Variants in WWOX observed in about 807,000 individuals in gnomAD.
WWOX encodes WW domain containing oxidoreductase.
Under a neutral mutation model 46.2 loss-of-function variants are expected in WWOX, and 69 were observed. That is an observed-to-expected ratio of 1.49 (90% confidence interval 1.23 to 1.82). The LOEUF (loss-of-function observed/expected upper bound fraction) is 1.82. Among genes scored for constraint, WWOX ranks in the 40% most tolerant of loss-of-function variants. The pLI is 0.00. For synonymous variants in WWOX, 359 were observed against 202.6 expected, an observed-to-expected ratio of 1.77 and a Z score of -6.56; for missense variants, 919 against 542.6, an observed-to-expected ratio of 1.69 and a Z score of -6.89.
rs576434009 is a variant in WWOX at position 78,769,902 on chromosome 16, G to C, written c.1056+337150G>C. Among the ~76,000 whole-genome samples, 68 of 152,008 alleles carry C rather than the reference G, an allele frequency of 4.5e-4. 1 individual carries two copies. The highest frequency in any genetic ancestry group is 3.4e-3 in the South Asian group (16 of 4,772). ...AAAAATAAATAAAAAGTAGTTGGGC[G>C]TGTGTGGTGGAGCATGTGGGGGTCC... On this transcript the variant is annotated intron_variant, in intron 8 of 8. Transcript: ENST00000566780.
intron 8 of WWOX, among the ~76,000 whole-genome samples, chr16:79,027,288 A>T (rs1169516043): frequency 6.6e-6 from 1 of 151,018 alleles, no homozygotes; most frequent in Non-Finnish European, 1.5e-5. Flanking sequence ...TCAAAAAAAA[A>T]AAAAAAGGTA....
rs528048148 is a variant in WWOX at position 78,346,898 on chromosome 16, AT to A, written c.517-39955del. Among the ~76,000 whole-genome samples, 2 of 116,188 alleles carry A rather than the reference AT, an allele frequency of 1.7e-5. 1 individual carries two copies. The highest frequency in any genetic ancestry group is 4.1e-5 in the Non-Finnish European group (2 of 48,982). The allele number at this position is 116,188 out of a possible 152,430, so 76.2% of individuals were successfully genotyped here. A position where few individuals can be genotyped will look rare whatever the true frequency, so the allele number is the denominator to read the frequency against. On this transcript the variant is annotated intron_variant, in intron 5 of 8. Coordinates refer to ENST00000566780, the MANE Select transcript of WWOX (RefSeq NM_016373.4). ...TTTTGTGTTGTTTTATTTTTATTTTATTTTTTTAGCAGAGACAGGGTTTCAC... is the reference window on the plus strand; with the variant it reads ...TTTTGTGTTGTTTTATTTTTATTTTATTTTTTAGCAGAGACAGGGTTTCAC...
At chr16:79,208,631 ATTTT>A (rs57795116) in intron 8 of WWOX, among the ~76,000 whole-genome samples, 6 of 151,074 alleles carry the variant, frequency 4.0e-5, no homozygotes, top group Non-Finnish European at 8.9e-5. Context: ...TGCTCTTTAA[ATTTT>A]TTTTTTAATC....
intron 8 of WWOX, among the ~76,000 whole-genome samples, chr16:79,143,239 G>C (rs1201074693): frequency 1.3e-5 from 2 of 152,126 alleles, no homozygotes; most frequent in East Asian, 3.9e-4. Context: ...CCCCCTCCTG[G>C]ATGAAGTCTT....
chr16:78,819,124 C>G (rs1235651976), intron 8 of WWOX, among the ~76,000 whole-genome samples: 2 of 152,238 alleles, frequency 1.3e-5, no homozygotes, highest in South Asian at 2.1e-4. Context: ...CTTCTGCACT[C>G]TTTCTCAGTC....
rs577414279 is a variant in WWOX at position 78,386,936 on chromosome 16, A to C, written c.593A>C (p.Lys198Thr). 6.2e-7 allele frequency: 1 copy of C among 1,614,104 alleles called. No individual in the cohort carries two copies. Among genetic ancestry groups the C allele is most frequent in the East Asian group, 2.2e-5 (1 of 44,878 alleles). The stretch of plus-strand genomic sequence containing the variant: ...GTGCAGCATTTTGCTGAAGCATTCA[A>C]GGCCAAGAATGTGTGAGTGTTCCAG... ...RSVQHFAEAF[K>T]AKNVPLHVLV... The change falls in exon 6 of 9, where the codon AAG becomes ACG. Residue 198 changes from lysine to threonine, a missense_variant. Transcript: ENST00000566780.
In WWOX at chr16:78,453,176, C is replaced by T. The variant is rs541949196; in HGVS notation, c.1056+20424C>T. 5.9e-5 allele frequency among the ~76,000 whole-genome samples: 9 copies of T among 152,194 alleles called. No individual in the cohort carries two copies. In the South Asian group the frequency reaches 1.9e-3, roughly 32 times the overall value. ...TGGTAGCTCACTTCTGTAATCCTAG[C>T]ACTTTGGGAGGCTGAGGTGGGAGGA... On this transcript the variant is annotated intron_variant, in intron 8 of 8. Coordinates refer to ENST00000566780, the MANE Select transcript of WWOX (RefSeq NM_016373.4).
chr16:78,923,331 C>T (rs529184167), intron 8 of WWOX, among the ~76,000 whole-genome samples: 10 of 152,202 alleles, frequency 6.6e-5, no homozygotes, highest in African/African-American at 1.9e-4. Flanking sequence ...GGCTTAATTT[C>T]ACCAGAATAT....
intron 8 of WWOX, among the ~76,000 whole-genome samples, chr16:78,466,254 A>C (rs1418043548): frequency 6.6e-6 from 1 of 152,090 alleles, no homozygotes; most frequent in South Asian, 2.1e-4. Flanking sequence ...GATGGTCTCG[A>C]TCTCCTGACC....
intron 5 of WWOX, chr16:78,278,690 T>C: frequency 1.3e-6 from 2 of 1,574,244 alleles, no homozygotes; most frequent in East Asian, 2.3e-5. Flanking sequence ...TCTTGAATAG[T>C]CTCATCAATT....
intron 5 of WWOX, among the ~76,000 whole-genome samples, chr16:78,311,736 G>C (rs2080248684): frequency 6.6e-6 from 1 of 151,834 alleles, no homozygotes; most frequent in African/African-American, 2.4e-5. Flanking sequence ...TTTTTTTGAA[G>C]GAAGAAAAAT....
Position 78,662,333 on chromosome 16 carries a change from T to C in WWOX, c.1056+229581T>C, listed in dbSNP as rs116121341. ...AGTGTTGGTCAGCATTTCATCTGCA[T>C]ATACAGGACTGGAAAATAAGAGAGC... On this transcript the variant is annotated intron_variant, in intron 8 of 8. Coordinates refer to ENST00000566780, the MANE Select transcript of WWOX (RefSeq NM_016373.4). 3.6e-3 allele frequency among the ~76,000 whole-genome samples: 546 copies of C among 152,348 alleles called. 3 individuals carry two copies. Among genetic ancestry groups the C allele is most frequent in the African/African-American group, 0.013 (528 of 41,578 alleles).
chr16:79,153,767 T>G (rs998744090), intron 8 of WWOX, among the ~76,000 whole-genome samples: 1 of 152,106 alleles, frequency 6.6e-6, no homozygotes, highest in Non-Finnish European at 1.5e-5. Flanking sequence ...GGGGGTTTTT[T>G]GTTGTTGTTG....
intron 8 of WWOX, among the ~76,000 whole-genome samples, chr16:78,582,449 T>C (rs1272874533): frequency 1.3e-5 from 2 of 152,242 alleles, no homozygotes; most frequent in African/African-American, 4.8e-5. Context: ...AATTATATTT[T>C]TTATATGACC....
At chr16:79,040,558 C>T (rs889742) in intron 8 of WWOX, among the ~76,000 whole-genome samples, 3 of 151,958 alleles carry the variant, frequency 2.0e-5, no homozygotes, top group Non-Finnish European at 4.4e-5. Context: ...TTACAGGTAT[C>T]AGCCACTGGG....
intron 5 of WWOX, among the ~76,000 whole-genome samples, chr16:78,327,410 C>G (rs114263883): frequency 1.3e-5 from 2 of 152,094 alleles, no homozygotes; most frequent in Non-Finnish European, 2.9e-5. Flanking sequence ...CTTCACTGGA[C>G]TCTCCAAGCC....
intron 8 of WWOX, among the ~76,000 whole-genome samples, chr16:79,145,351 G>C (rs1415093298): frequency 6.6e-6 from 1 of 152,100 alleles, no homozygotes; most frequent in Non-Finnish European, 1.5e-5. Flanking sequence ...ACTTTCAGTA[G>C]AGTCAAGGAT....
chr16:78,974,984 A>C lies in WWOX; in HGVS notation c.1057-236624A>C, dbSNP rs533359973. On this transcript the variant is annotated intron_variant, in intron 8 of 8. Transcript: ENST00000566780. ...GAGATGGACATTTCTAGGCTTGTGG[A>C]AGGGACTCCCCAGCCCCTCTTCTCT... Among the ~76,000 whole-genome samples, 15 of 152,236 alleles carry C rather than the reference A, an allele frequency of 9.9e-5. No individual in the cohort carries two copies. In the South Asian group the frequency reaches 2.9e-3, roughly 30 times the overall value.
At chr16:78,154,768 G>C (rs927745154) in intron 4 of WWOX, among the ~76,000 whole-genome samples, 4 of 152,112 alleles carry the variant, frequency 2.6e-5, no homozygotes, top group Admixed American at 6.5e-5. Context: ...AGTAGGGTTT[G>C]ACATGGTTTA....
Sources: allele counts gnomAD v4.1 joint callset (sites outside exome capture counted in the v4.1 genomes callset), GRCh38; gene constraint gnomAD v4.1.1; transcripts MANE v1.5; gene names NCBI Gene and HGNC (gene_info 2026-07-23, HGNC 2026-07-21).